SCD5: variants seen among roughly 807,000 people sequenced by gnomAD.
SCD5 encodes the protein acyl-CoA-desaturase 4.
In SCD5, 20 loss-of-function variants were observed where a neutral mutation model predicts 30.4. The ratio of observed to expected loss-of-function variants is 0.66; its 90% CI spans 0.46 to 0.96. SCD5 has a LOEUF of 0.96. Ranked by LOEUF, SCD5 falls within the 40% of genes least tolerant of loss-of-function variation. The pLI, the probability that SCD5 is intolerant of heterozygous loss-of-function variation, is 0.00. For synonymous variants in SCD5, 173 were observed against 176.4 expected (o/e 0.98, Z 0.16); for missense variants, 381 against 443.3 (o/e 0.86, Z 1.26).
chr4:82,663,825 G>C (rs1728099608), intron 3 of SCD5, among the ~76,000 whole-genome samples: 2 of 152,320 alleles, frequency 1.3e-5, no homozygotes, highest in South Asian at 4.1e-4. Context: ...CATTGCTGCT[G>C]AGGGAGAGAC....
At chr4:82,704,305 C>G (rs1271538182) in intron 2 of SCD5, among the ~76,000 whole-genome samples, 3 of 152,188 alleles carry the variant, frequency 2.0e-5, no homozygotes, top group Non-Finnish European at 4.4e-5. Flanking sequence ...TCTCCCTGGA[C>G]TCTAGAGCAC....
rs74989197 is a variant in SCD5, at chr4:82,705,750, G to C, written c.233-337C>G. On this transcript the variant is annotated intron_variant, in intron 1 of 4. Coordinates refer to ENST00000319540, the MANE Select transcript of SCD5 (RefSeq NM_001037582.3). ...AATTCAATTTCACACATACACTCTC[G>C]GCAGGGCAGAGATTGAGCTCTACCT... 6.3e-3 allele frequency among the ~76,000 whole-genome samples: 953 copies of C among 152,202 alleles called. 6 individuals are homozygous for C. Among genetic ancestry groups the C allele is most frequent in the Non-Finnish European group, 9.9e-3 (674 of 68,018 alleles).
intron 1 of SCD5, among the ~76,000 whole-genome samples, chr4:82,762,477 AGGT>A (rs1169684445): frequency 6.6e-6 from 1 of 152,144 alleles, no homozygotes; most frequent in Non-Finnish European, 1.5e-5. Flanking sequence ...TCCCAACCTT[AGGT>A]GATCCACCTG....
intron 1 of SCD5, among the ~76,000 whole-genome samples, chr4:82,778,133 C>T (rs908017947): frequency 1.3e-5 from 2 of 152,076 alleles, no homozygotes; most frequent in Non-Finnish European, 1.5e-5. Context: ...AACCAAACAC[C>T]ACACGTTCTC....
intron 2 of SCD5, among the ~76,000 whole-genome samples, chr4:82,681,299 C>A (rs1380794609): frequency 6.6e-6 from 1 of 152,104 alleles, no homozygotes; most frequent in Non-Finnish European, 1.5e-5. Flanking sequence ...TGTAAACATA[C>A]CACATTTTCT....
intron 1 of SCD5, among the ~76,000 whole-genome samples, chr4:82,717,294 C>T (rs998183911): frequency 1.3e-4 from 20 of 151,598 alleles, no homozygotes; most frequent in Non-Finnish European, 2.9e-5. Flanking sequence ...TGAACCGGGT[C>T]CTCAGACTGC....
rs78914187 is a variant in SCD5, at chr4:82,643,236, T to C, written c.570-6413A>G. Among the ~76,000 whole-genome samples, 79 of 142,280 alleles carry C rather than the reference T, an allele frequency of 5.6e-4. 1 individual carries two copies. The East Asian group carries it at 0.014, about 26-fold the overall frequency. 93.3% of individuals were successfully genotyped at this position (142,280 alleles called of 152,430 possible). A position where few individuals can be genotyped will look rare whatever the true frequency, so the allele number is the denominator to read the frequency against. ...CCAAAGGTTAAATATCAAGTTATCA[T>C]ATGACCCAGATTTTCACTCCTAGGT... On this transcript the variant is annotated intron_variant, in intron 3 of 4. Coordinates refer to ENST00000319540, the MANE Select transcript of SCD5 (RefSeq NM_001037582.3).
chr4:82,637,689 C>T (rs981516030), intron 3 of SCD5, among the ~76,000 whole-genome samples: 2 of 152,204 alleles, frequency 1.3e-5, no homozygotes, highest in African/African-American at 4.8e-5. Context: ...TCCTCCTTGG[C>T]CTCCCGCAGC....
chr4:82,721,240 T>C (rs1720364533), intron 1 of SCD5, among the ~76,000 whole-genome samples: 1 of 152,134 alleles, frequency 6.6e-6, no homozygotes, highest in African/African-American at 2.4e-5. Flanking sequence ...CTGTAGCATA[T>C]AGGCTGAGGC....
Position 82,647,728 on chromosome 4 carries a change from C to T in SCD5, c.570-10905G>A, listed in dbSNP as rs143645051. 4.2e-4 allele frequency among the ~76,000 whole-genome samples: 64 copies of T among 151,056 alleles called. 1 individual carries two copies. In the East Asian group the frequency reaches 0.012, roughly 28 times the overall value. On this transcript the variant is annotated intron_variant, in intron 3 of 4. Transcript: ENST00000319540. Reference sequence around the variant, plus strand: ...TATGATTATTGCATTATTTGATGTCCCTTCAGTATAACCGTGCTGTAAAAA... The same window carrying T: ...TATGATTATTGCATTATTTGATGTCTCTTCAGTATAACCGTGCTGTAAAAA...
chr4:82,789,505 C>T (rs1363978529), intron 1 of SCD5, among the ~76,000 whole-genome samples: 2 of 152,206 alleles, frequency 1.3e-5, no homozygotes, highest in Admixed American at 6.5e-5. Context: ...TTTTCTCTAA[C>T]AAGCTCCCAG....
At chr4:82,716,717 G>A (rs2148830942) in intron 1 of SCD5, among the ~76,000 whole-genome samples, 1 of 151,902 alleles carries the variant, frequency 6.6e-6, no homozygotes, top group East Asian at 1.9e-4. Flanking sequence ...AGGAGGCTGA[G>A]GCAGGAGAAT....
chr4:82,750,184 T>A (rs1163990930), intron 1 of SCD5, among the ~76,000 whole-genome samples: 1 of 152,164 alleles, frequency 6.6e-6, no homozygotes, highest in Non-Finnish European at 1.5e-5. Flanking sequence ...TATTATCAAG[T>A]AAGGTGGCTG....
At chr4:82,748,275 G>A (rs1399011995) in intron 1 of SCD5, among the ~76,000 whole-genome samples, 4 of 152,132 alleles carry the variant, frequency 2.6e-5, no homozygotes, top group Non-Finnish European at 5.9e-5. Flanking sequence ...CTTGCCCCTG[G>A]GAGAATTGAT....
intron 4 of SCD5, among the ~76,000 whole-genome samples, chr4:82,636,278 T>TA (rs34221980): frequency 0.06 from 8,376 of 140,316 alleles, 356 homozygotes; most frequent in African/African-American, 0.11. Flanking sequence ...CCATCTCTAC[T>TA]AAAAAAAAAA....
intron 3 of SCD5, among the ~76,000 whole-genome samples, chr4:82,672,993 C>T (rs1215720520): frequency 6.6e-6 from 1 of 152,066 alleles, no homozygotes; most frequent in East Asian, 1.9e-4. Context: ...AAATGCAACA[C>T]CCATTCATGA....
intron 4 of SCD5, among the ~76,000 whole-genome samples, chr4:82,634,422 T>C (rs1727380714): frequency 6.6e-6 from 1 of 152,196 alleles, no homozygotes; most frequent in African/African-American, 2.4e-5. Context: ...TACCTCAAGA[T>C]GGATCCATCT....
intron 4 of SCD5, among the ~76,000 whole-genome samples, chr4:82,634,158 T>C (rs908379378): frequency 6.6e-6 from 1 of 152,256 alleles, no homozygotes; most frequent in Admixed American, 6.5e-5. Context: ...CATCAGTTGA[T>C]GGACATTTGT....
In SCD5 at chr4:82,629,606, T is replaced by C. The variant is rs1265615913; in HGVS notation, c.*1721A>G. 1 of 152,266 alleles carries C rather than the reference T, an allele frequency of 6.6e-6. No individual in the cohort carries two copies. The highest frequency in any genetic ancestry group is 2.4e-5 in the African/African-American group (1 of 41,474). 9.4% of individuals were successfully genotyped at this position (152,266 alleles called of 1,614,324 possible). The stretch of plus-strand genomic sequence containing the variant: ...ATTACCAGTGGCAAAATAACACTGT[T>C]AAACACCTACTGGATGAAGAACTTC... On this transcript the variant is annotated 3_prime_UTR_variant, in exon 5 of 5. Coordinates refer to ENST00000319540, the MANE Select transcript of SCD5 (RefSeq NM_001037582.3).
Sources: allele counts gnomAD v4.1 joint callset (sites outside exome capture counted in the v4.1 genomes callset), GRCh38; gene constraint gnomAD v4.1.1; transcripts MANE v1.5; gene names NCBI Gene and HGNC (gene_info 2026-07-23, HGNC 2026-07-21).